MAP3K13: variants seen among roughly 807,000 people sequenced by gnomAD.
MAP3K13 encodes mitogen-activated protein kinase kinase kinase 13, also known as leucine zipper-bearing kinase.
Under a neutral mutation model 104.0 loss-of-function variants are expected in MAP3K13, and 52 were observed. The ratio of observed to expected loss-of-function variants is 0.50; its 90% CI spans 0.40 to 0.63. The LOEUF (loss-of-function observed/expected upper bound fraction) is 0.63. MAP3K13 is among the 20% of genes least tolerant of loss of function. The pLI is 0.00. For missense variants in MAP3K13, 914 were observed against 1,218.5 expected, an observed-to-expected ratio of 0.75 and a Z score of 3.72; for synonymous variants, 394 against 442.2, an observed-to-expected ratio of 0.89 and a Z score of 1.37.
rs11419847 is a variant in MAP3K13 at position 185,461,884 on chromosome 3, A to ATT, written c.1279-1659_1279-1658dup. Among the ~76,000 whole-genome samples the ATT allele has an allele frequency of 2.7e-4, 41 of 151,706 alleles. 1 individual carries two copies. Among genetic ancestry groups the ATT allele is most frequent in the Admixed American group, 7.9e-4 (12 of 15,236 alleles). Reference sequence around the variant, plus strand: ...ACAATAGCAATTAGGGATTGCTATTATTTTTTTTAATTTTAAAAATATATA... The same window carrying ATT: ...ACAATAGCAATTAGGGATTGCTATTATTTTTTTTTTAATTTTAAAAATATATA... On this transcript the variant is annotated intron_variant, in intron 7 of 13. Transcript: ENST00000265026.
chr3:185,454,716 G>GATATATATGATATATATGATATATATATC (rs1560117342), intron 7 of MAP3K13, among the ~76,000 whole-genome samples: 3 of 13,306 alleles, frequency 2.3e-4, no homozygotes, highest in African/African-American at 3.6e-4. Context: ...TCATATATGA[G>GATATATATGATATATATGATATATATATC]ATATATATGA....
At chr3:185,474,862 C>T (rs1379557700) in intron 11 of MAP3K13, among the ~76,000 whole-genome samples, 3 of 152,076 alleles carry the variant, frequency 2.0e-5, no homozygotes, top group Non-Finnish European at 2.9e-5. Context: ...TTTGGAAGGC[C>T]GAGGCAGGTG....
intron 7 of MAP3K13, among the ~76,000 whole-genome samples, chr3:185,459,095 CTT>C (rs1355370909): frequency 2.0e-5 from 3 of 152,286 alleles, no homozygotes; most frequent in Non-Finnish European, 2.9e-5. Flanking sequence ...CTAGTGTTCT[CTT>C]GAGTGCCATT....
chr3:185,480,543 C>T lies in MAP3K13; in HGVS notation c.2799+14C>T. ...CGTGGCTATGAGGTGGGGGCTTCTC[C>T]CTTCTCCTCCCATCACTGTTCCCTT... On this transcript the variant is annotated intron_variant, in intron 13 of 13. Coordinates refer to ENST00000265026, the MANE Select transcript of MAP3K13 (RefSeq NM_004721.5). 1 of 1,608,188 alleles carries T rather than the reference C, an allele frequency of 6.2e-7. No individual in the cohort carries two copies. Among genetic ancestry groups the T allele is most frequent in the Non-Finnish European group, 8.5e-7 (1 of 1,176,270 alleles).
intron 1 of MAP3K13, among the ~76,000 whole-genome samples, chr3:185,394,089 G>C (rs1712239555): frequency 6.6e-6 from 1 of 152,170 alleles, no homozygotes; most frequent in Non-Finnish European, 1.5e-5. Context: ...GGGAGAATGA[G>C]AGGTGGGGTC....
chr3:185,457,393 G>A (rs1453297149), intron 7 of MAP3K13, among the ~76,000 whole-genome samples: 1 of 152,226 alleles, frequency 6.6e-6, no homozygotes, highest in Non-Finnish European at 1.5e-5. Context: ...TAGTCTCACG[G>A]TTCTGGAGAC....
At chr3:185,285,210 G>A (rs559376341) in intron 1 of MAP3K13, among the ~76,000 whole-genome samples, 1 of 152,204 alleles carries the variant, frequency 6.6e-6, no homozygotes, top group South Asian at 2.1e-4. Flanking sequence ...CCCGATTTCT[G>A]GAAAGTGCCC....
chr3:185,437,000 C>CAAAAAAAAAAAA (rs58819806), intron 2 of MAP3K13, among the ~76,000 whole-genome samples: 2 of 36,946 alleles, frequency 5.4e-5, no homozygotes, highest in African/African-American at 2.1e-4. Context: ...GACTCTGTCT[C>CAAAAAAAAAAAA]AAAAAAAAAA....
rs1577582276 is a variant in MAP3K13 at position 185,454,704 on chromosome 3, T to TG, written c.1278+3309_1278+3310insG. Among the ~76,000 whole-genome samples the TG allele has an allele frequency of 4.8e-3, 119 of 24,848 alleles. 43 individuals are homozygous for TG. Among genetic ancestry groups the TG allele is most frequent in the Non-Finnish European group, 0.013 (89 of 6,928 alleles). 16.3% of individuals were successfully genotyped at this position (24,848 alleles called of 152,430 possible). On this transcript the variant is annotated intron_variant, in intron 7 of 13. Transcript: ENST00000265026. ...ATATGATATATATATGAGATATATATATCATATATGAGATATATATGATAT... is the reference window on the plus strand; with the variant it reads ...ATATGATATATATATGAGATATATATGATCATATATGAGATATATATGATAT...
intron 2 of MAP3K13, among the ~76,000 whole-genome samples, chr3:185,327,185 C>T (rs1722069050): frequency 6.6e-6 from 1 of 152,190 alleles, no homozygotes; most frequent in African/African-American, 2.4e-5. Flanking sequence ...CCCCTTCCTC[C>T]ATCTTCGAAG....
intron 2 of MAP3K13, among the ~76,000 whole-genome samples, chr3:185,328,222 A>G (rs374331712): frequency 8.5e-5 from 13 of 152,110 alleles, no homozygotes; most frequent in East Asian, 5.8e-4. Flanking sequence ...AGTCAGGGAG[A>G]ATGGAGATGG....
At position 185,424,175 on chromosome 3, in the gene MAP3K13, G is replaced by A. The variant is rs118047317; in HGVS notation, c.-85-4322G>A. Among the ~76,000 whole-genome samples, 120 of 152,210 alleles carry A rather than the reference G, an allele frequency of 7.9e-4. 1 individual carries two copies. The East Asian group carries it at 0.016, about 20-fold the overall frequency. On this transcript the variant is annotated intron_variant, in intron 1 of 13. Transcript: ENST00000265026. ...GGAAAATAACCCGGTATTTCATCCC[G>A]GCTCTGTGACCTTTAGCATCTACCT...
chr3:185,407,054 A>G (rs1318627423), intron 1 of MAP3K13, among the ~76,000 whole-genome samples: 1 of 152,258 alleles, frequency 6.6e-6, no homozygotes, highest in Admixed American at 6.5e-5. Context: ...AAAGAAAATT[A>G]CAAAAGAACA....
intron 2 of MAP3K13, among the ~76,000 whole-genome samples, chr3:185,350,591 C>T (rs1025723651): frequency 6.6e-6 from 1 of 152,114 alleles, no homozygotes; most frequent in Admixed American, 6.6e-5. Context: ...TTTAATCATA[C>T]TATATGGTAT....
intron 1 of MAP3K13, among the ~76,000 whole-genome samples, chr3:185,416,918 C>T (rs1339211263): frequency 6.6e-6 from 1 of 151,944 alleles, no homozygotes; most frequent in Non-Finnish European, 1.5e-5. Flanking sequence ...CCACCTTGCC[C>T]AGCTATAAAC....
chr3:185,355,869 A>T (rs989028570), intron 2 of MAP3K13, among the ~76,000 whole-genome samples: 10 of 152,222 alleles, frequency 6.6e-5, no homozygotes, highest in African/African-American at 2.4e-4. Context: ...TATAGTTTTG[A>T]TTATGAGGTT....
intron 7 of MAP3K13, 141 bp downstream of exon 7, chr3:185,451,536 T>C (rs1715883348): frequency 1.7e-6 from 1 of 604,796 alleles, no homozygotes; most frequent in African/African-American, 1.8e-5. Context: ...AATATGATAC[T>C]TCACACATAT....
chr3:185,350,468 T>G (rs1723099609), intron 2 of MAP3K13, among the ~76,000 whole-genome samples: 1 of 152,228 alleles, frequency 6.6e-6, no homozygotes, highest in Non-Finnish European at 1.5e-5. Flanking sequence ...ATTACAGGCG[T>G]GAGCCACTGC....
At chr3:185,380,868 C>T (rs951644878) in intron 1 of MAP3K13, among the ~76,000 whole-genome samples, 4 of 151,676 alleles carry the variant, frequency 2.6e-5, no homozygotes, top group South Asian at 2.1e-4. Context: ...AGAACTACTA[C>T]GAGAAGCAGG....
Sources: allele counts gnomAD v4.1 joint callset (sites outside exome capture counted in the v4.1 genomes callset), GRCh38; gene constraint gnomAD v4.1.1; transcripts MANE v1.5; gene names NCBI Gene and HGNC (gene_info 2026-07-23, HGNC 2026-07-21).